Variants in PAM observed in about 807,000 individuals in gnomAD.
PAM encodes the protein peptidyl-glycine alpha-amidating monooxygenase.
In PAM, 72 loss-of-function variants were observed where a neutral mutation model predicts 122.1. That is an observed-to-expected ratio of 0.59 (90% CI 0.49 to 0.72). The LOEUF (loss-of-function observed/expected upper bound fraction) is 0.72, where lower values mean the gene tolerates loss of function less well. PAM is among the 30% of genes least tolerant of loss of function. The pLI is 0.00. For missense variants in PAM, 1,106 were observed against 1,183.7 expected, an observed-to-expected ratio of 0.93 and a Z score of 0.96; for synonymous variants, 389 against 404.4, an observed-to-expected ratio of 0.96 and a Z score of 0.46.
chr5:102,982,284 G>A (rs1770171558), intron 15 of PAM, among the ~76,000 whole-genome samples: 1 of 152,156 alleles, frequency 6.6e-6, no homozygotes, highest in Non-Finnish European at 1.5e-5. Context: ...CACCACTGCT[G>A]GTGTCCATGT....
Position 102,755,339 on chromosome 5 carries a change from G to C in PAM, c.-383G>C, listed in dbSNP as rs1251816314. The C allele has an allele frequency of 6.6e-6, 1 of 152,296 alleles. No individual in the cohort carries two copies. The highest frequency in any genetic ancestry group is 2.4e-5 in the African/African-American group (1 of 41,410). 9.4% of individuals were successfully genotyped at this position (152,296 alleles called of 1,614,324 possible). ...GGCTTCCGTCCCGGACAGAGCCCGT[G>C]GTCGCGCAGGTTGGTGTTGTTGCCG... is the stretch of plus-strand genomic sequence containing the variant. On this transcript the variant is annotated 5_prime_UTR_variant, in exon 1 of 26. Transcript: ENST00000438793.
At chr5:102,759,867 A>G (rs746917808) in intron 1 of PAM, among the ~76,000 whole-genome samples, 2 of 152,176 alleles carry the variant, frequency 1.3e-5, no homozygotes, top group African/African-American at 2.4e-5. Context: ...TAGCTACTGT[A>G]TAGAGAATGA....
chr5:103,011,550 A>G (rs1042938727), intron 21 of PAM, among the ~76,000 whole-genome samples: 12 of 152,172 alleles, frequency 7.9e-5, no homozygotes, highest in Non-Finnish European at 1.6e-4. Flanking sequence ...TATTTCATCT[A>G]TAATGATCTC....
chr5:103,020,724 C>T (rs1261334281), intron 23 of PAM, among the ~76,000 whole-genome samples: 1 of 152,032 alleles, frequency 6.6e-6, no homozygotes, highest in Non-Finnish European at 1.5e-5. Flanking sequence ...CAGACACAAA[C>T]CTAGGCTTAC....
At chr5:102,862,759 A>G (rs1363276910) in intron 1 of PAM, among the ~76,000 whole-genome samples, 1 of 152,220 alleles carries the variant, frequency 6.6e-6, no homozygotes, top group African/African-American at 2.4e-5. Flanking sequence ...CGAGGTAGGT[A>G]ATATGATTAC....
intron 1 of PAM, among the ~76,000 whole-genome samples, chr5:102,771,648 C>T (rs1449125546): frequency 2.0e-5 from 3 of 152,204 alleles, no homozygotes; most frequent in Non-Finnish European, 2.9e-5. Flanking sequence ...GGAGGAGTGA[C>T]CTTTCAAATT....
rs185608253 is a variant in PAM, at chr5:102,891,260, A to G, written c.211-10096A>G. On this transcript the variant is annotated intron_variant, in intron 3 of 25. Coordinates refer to ENST00000438793, the MANE Select transcript of PAM (RefSeq NM_001177306.2). The stretch of plus-strand genomic sequence containing the variant: ...GCGTCACCCCTTAAAACACAATCCA[A>G]TAGCAGGACTAGCAAAAAAGGAGTT... Among the ~76,000 whole-genome samples the G allele has an allele frequency of 2.8e-3, 429 of 152,016 alleles. 2 individuals are homozygous for G. The highest frequency in any genetic ancestry group is 0.022 in the South Asian group (107 of 4,830).
rs144316759 is a variant in PAM at position 102,821,494 on chromosome 5, AT to A, written c.-373-44326del. Among the ~76,000 whole-genome samples the A allele has an allele frequency of 6.0e-3, 915 of 152,270 alleles. 12 individuals are homozygous for A. Among genetic ancestry groups the A allele is most frequent in the African/African-American group, 0.021 (859 of 41,550 alleles). ...TGTTGACATTTTCTATATAGTTTAC[AT>A]TTACAAATACCCACTTGTACAAATA... On this transcript the variant is annotated intron_variant, in intron 1 of 25. Coordinates refer to ENST00000438793, the MANE Select transcript of PAM (RefSeq NM_001177306.2).
At chr5:102,930,549 G>A (rs986007893) in intron 7 of PAM, among the ~76,000 whole-genome samples, 1 of 152,192 alleles carries the variant, frequency 6.6e-6, no homozygotes, top group Non-Finnish European at 1.5e-5. Context: ...TTGCTGGAAT[G>A]TGAAATGCAT....
chr5:103,020,161 AC>A (rs1783172015), intron 23 of PAM, among the ~76,000 whole-genome samples: 1 of 152,068 alleles, frequency 6.6e-6, no homozygotes, highest in African/African-American at 2.4e-5. Context: ...GAGTACATTA[AC>A]CCCAGGCAAG....
intron 1 of PAM, among the ~76,000 whole-genome samples, chr5:102,828,635 G>C (rs1439685929): frequency 2.0e-5 from 3 of 152,150 alleles, no homozygotes; most frequent in Non-Finnish European, 4.4e-5. Flanking sequence ...ACATGAAGTT[G>C]CATTGCATCT....
chr5:102,861,112 C>T (rs558977289), intron 1 of PAM, among the ~76,000 whole-genome samples: 1 of 152,322 alleles, frequency 6.6e-6, no homozygotes, highest in Admixed American at 6.5e-5. Context: ...CAACAACCAG[C>T]ACTAACTTCC....
chr5:102,758,092 T>G lies in PAM; in HGVS notation c.-374+2744T>G, dbSNP rs1450750771. Among the ~76,000 whole-genome samples the G allele has an allele frequency of 2.1e-4, 27 of 126,672 alleles. 1 individual carries two copies. The highest frequency in any genetic ancestry group is 1.3e-3 in the South Asian group (5 of 3,932). The allele number at this position is 126,672 out of a possible 152,430, so 83.1% of individuals were successfully genotyped here. A position where few individuals can be genotyped will look rare whatever the true frequency, so the allele number is the denominator to read the frequency against. On this transcript the variant is annotated intron_variant, in intron 1 of 25. Coordinates refer to ENST00000438793, the MANE Select transcript of PAM (RefSeq NM_001177306.2). ...AATTTTGTTTTTTTTTTTTTTTTTT[T>G]TTTTTTTTTTTTTTTTCTTGGGGCA...
intron 1 of PAM, among the ~76,000 whole-genome samples, chr5:102,848,363 A>G (rs567514873): frequency 5.2e-4 from 79 of 152,350 alleles, no homozygotes; most frequent in African/African-American, 1.9e-3. Context: ...GGCAACAAAG[A>G]TGACTAACAC....
intron 1 of PAM, among the ~76,000 whole-genome samples, chr5:102,814,652 T>C (rs1215147766): frequency 1.3e-5 from 2 of 151,038 alleles, no homozygotes; most frequent in Admixed American, 1.3e-4. Flanking sequence ...ACTTAAAAGC[T>C]ATTATTGTTT....
chr5:102,989,306 C>T (rs1773241190), intron 15 of PAM, among the ~76,000 whole-genome samples: 1 of 152,076 alleles, frequency 6.6e-6, no homozygotes. Context: ...GAATTGGAGA[C>T]CATCCTGGGC....
chr5:102,897,681 A>G (rs1446155711), intron 3 of PAM, among the ~76,000 whole-genome samples: 2 of 151,608 alleles, frequency 1.3e-5, no homozygotes, highest in Non-Finnish European at 3.0e-5. Flanking sequence ...AAACTGCATC[A>G]TGTTATCTAT....
intron 3 of PAM, among the ~76,000 whole-genome samples, chr5:102,878,462 T>G (rs1454802364): frequency 6.6e-6 from 1 of 152,198 alleles, no homozygotes; most frequent in African/African-American, 2.4e-5. Flanking sequence ...ATACTATACT[T>G]TTTATCATTA....
At position 102,990,409 on chromosome 5, in the gene PAM, A is replaced by G; in HGVS notation, c.1613+8A>G. ...CCATGTCTGGGATGGAAAGTAAGTAATATTTTTTCTTCAATAAGCAAATGA... is the reference window on the plus strand; with the variant it reads ...CCATGTCTGGGATGGAAAGTAAGTAGTATTTTTTCTTCAATAAGCAAATGA... On this transcript the variant is annotated splice_region_variant and intron_variant, in intron 16 of 25. Transcript: ENST00000438793. The G allele has an allele frequency of 2.6e-6, 4 of 1,566,396 alleles. No homozygotes were observed. Among genetic ancestry groups the G allele is most frequent in the Non-Finnish European group, 3.5e-6 (4 of 1,151,714 alleles).
Sources: allele counts gnomAD v4.1 joint callset (sites outside exome capture counted in the v4.1 genomes callset), GRCh38; gene constraint gnomAD v4.1.1; transcripts MANE v1.5; gene names NCBI Gene and HGNC (gene_info 2026-07-23, HGNC 2026-07-21).